Variants in FARS2 observed in about 807,000 individuals in gnomAD.
FARS2 encodes phenylalanyl-tRNA synthetase 2, mitochondrial, also known as phenylalanine--tRNA ligase, mitochondrial.
In FARS2, 40 loss-of-function variants were observed where a neutral mutation model predicts 46.4. The ratio of observed to expected loss-of-function variants is 0.86; its 90% CI spans 0.67 to 1.12. The LOEUF (loss-of-function observed/expected upper bound fraction) is 1.12. Among genes scored for constraint, FARS2 ranks in the 50% most tolerant of loss-of-function variants. The pLI is 0.00. For synonymous variants in FARS2, 234 were observed against 214.9 expected (o/e 1.09, Z -0.78); for missense variants, 513 against 567.9 (o/e 0.90, Z 0.98).
At chr6:5,636,857 G>A (rs766916495) in intron 6 of FARS2, among the ~76,000 whole-genome samples, 24 of 152,082 alleles carry the variant, frequency 1.6e-4, no homozygotes, top group Non-Finnish European at 3.5e-4. Context: ...CTCGATCATT[G>A]AGTTACTCTC....
At chr6:5,525,332 T>C (rs959312782) in intron 4 of FARS2, among the ~76,000 whole-genome samples, 1 of 152,144 alleles carries the variant, frequency 6.6e-6, no homozygotes, top group Admixed American at 6.6e-5. Flanking sequence ...AATCAGTAGC[T>C]GGCATTTTGT....
chr6:5,533,430 T>C (rs1769988096), intron 4 of FARS2, among the ~76,000 whole-genome samples: 1 of 152,204 alleles, frequency 6.6e-6, no homozygotes, highest in African/African-American at 2.4e-5. Context: ...ATTAAGTAAG[T>C]AAACTAAAAA....
chr6:5,555,297 A>T (rs909826403), intron 5 of FARS2, among the ~76,000 whole-genome samples: 1 of 152,142 alleles, frequency 6.6e-6, no homozygotes, highest in African/African-American at 2.4e-5. Context: ...AGTATCAGGT[A>T]TGTCTTCATC....
At chr6:5,684,243 C>A (rs1216598380) in intron 6 of FARS2, among the ~76,000 whole-genome samples, 2 of 152,128 alleles carry the variant, frequency 1.3e-5, no homozygotes, top group African/African-American at 4.8e-5. Flanking sequence ...AGAGGACCAT[C>A]CCCGATGTGC....
At chr6:5,744,366 C>T (rs757430810) in intron 6 of FARS2, among the ~76,000 whole-genome samples, 3 of 152,208 alleles carry the variant, frequency 2.0e-5, no homozygotes, top group Non-Finnish European at 2.9e-5. Context: ...CTGTTACCCA[C>T]GACCAACAGT....
At chr6:5,250,559 C>T in the FARS2 span, among the ~76,000 whole-genome samples, 1 of 152,124 alleles carries the variant, frequency 6.6e-6, no homozygotes, top group Non-Finnish European at 1.5e-5. Context: ...GCATATTTAA[C>T]AATAATGAAT....
At chr6:5,534,620 C>A (rs2150467354) in intron 4 of FARS2, among the ~76,000 whole-genome samples, 1 of 152,202 alleles carries the variant, frequency 6.6e-6, no homozygotes, top group East Asian at 1.9e-4. Flanking sequence ...AATAATATTC[C>A]ATTGTGTGTA....
chr6:5,539,119 C>T (rs536073517), intron 4 of FARS2, among the ~76,000 whole-genome samples: 25 of 152,094 alleles, frequency 1.6e-4, no homozygotes, highest in African/African-American at 5.5e-4. Context: ...CCTGGAGTCA[C>T]GCATATCCCC....
chr6:5,728,012 A>C lies in FARS2; in HGVS notation c.1218-43279A>C, dbSNP rs1106811. On this transcript the variant is annotated intron_variant, in intron 6 of 6. Coordinates refer to ENST00000274680, the MANE Select transcript of FARS2 (RefSeq NM_006567.5). ...CGTGGGCACTTAATGGATGCTAAAT[A>C]ATTGAAAGAATAAAGTGAGAGATGA... is the stretch of plus-strand genomic sequence containing the variant. Among the ~76,000 whole-genome samples the C allele has an allele frequency of 5.5e-3, 841 of 152,340 alleles. 5 individuals carry two copies. Among genetic ancestry groups the C allele is most frequent in the Non-Finnish European group, 9.2e-3 (628 of 68,040 alleles).
intron 6 of FARS2, among the ~76,000 whole-genome samples, chr6:5,637,619 C>T (rs112023793): frequency 4.2e-4 from 64 of 152,328 alleles, no homozygotes; most frequent in African/African-American, 1.5e-3. Flanking sequence ...AACTTGAAGA[C>T]TTATGTATGA....
intron 6 of FARS2, among the ~76,000 whole-genome samples, chr6:5,689,054 T>G (rs1227732718): frequency 6.6e-6 from 1 of 151,906 alleles, no homozygotes; most frequent in South Asian, 2.1e-4. Flanking sequence ...GATATCCCCT[T>G]TATCATTTTT....
At position 5,546,082 on chromosome 6, in the gene FARS2, C is replaced by T. The variant is rs983798257; in HGVS notation, c.1065+742C>T. 5.9e-4 allele frequency among the ~76,000 whole-genome samples: 89 copies of T among 152,010 alleles called. 1 individual carries two copies. The highest frequency in any genetic ancestry group is 2.1e-3 in the African/African-American group (87 of 41,450). On this transcript the variant is annotated intron_variant, in intron 5 of 6. Coordinates refer to ENST00000274680, the MANE Select transcript of FARS2 (RefSeq NM_006567.5). ...GGCAGAGGTTGCAGTCAGCTGAGATCGTGCCATTGCACTCCAGCCTGGGCA... is the reference window on the plus strand; with the variant it reads ...GGCAGAGGTTGCAGTCAGCTGAGATTGTGCCATTGCACTCCAGCCTGGGCA...
intron 4 of FARS2, among the ~76,000 whole-genome samples, chr6:5,444,296 G>A (rs1361729857): frequency 2.0e-5 from 3 of 151,774 alleles, no homozygotes; most frequent in Admixed American, 6.6e-5. Flanking sequence ...GTGAAGCCCC[G>A]TCTCTACTAA....
chr6:5,441,645 A>G (rs1763849716), intron 4 of FARS2, among the ~76,000 whole-genome samples: 1 of 152,186 alleles, frequency 6.6e-6, no homozygotes, highest in African/African-American at 2.4e-5. Context: ...TCATTCATCC[A>G]TTCTTTAATG....
At chr6:5,706,158 A>T (rs1256830163) in intron 6 of FARS2, among the ~76,000 whole-genome samples, 1 of 152,162 alleles carries the variant, frequency 6.6e-6, no homozygotes, top group African/African-American at 2.4e-5. Flanking sequence ...TCGCCTGCGC[A>T]GTTGACAATA....
chr6:5,418,851 G>T (rs912606743), intron 3 of FARS2, among the ~76,000 whole-genome samples: 1 of 151,490 alleles, frequency 6.6e-6, no homozygotes, highest in African/African-American at 2.4e-5. Flanking sequence ...GTTTTGAGTG[G>T]TGTGATTTTA....
chr6:5,383,102 C>T (rs1759893009), intron 2 of FARS2, among the ~76,000 whole-genome samples: 1 of 152,160 alleles, frequency 6.6e-6, no homozygotes, highest in Non-Finnish European at 1.5e-5. Context: ...CACCCTGTGA[C>T]CCCGTCAAGT....
chr6:5,483,362 C>T (rs566043649), intron 4 of FARS2, among the ~76,000 whole-genome samples: 1 of 152,252 alleles, frequency 6.6e-6, no homozygotes, highest in Admixed American at 6.5e-5. Context: ...TCAGTATTGA[C>T]TTTTTTTCAC....
At chr6:5,626,851 T>C (rs1776058253) in intron 6 of FARS2, among the ~76,000 whole-genome samples, 1 of 152,216 alleles carries the variant, frequency 6.6e-6, no homozygotes, top group African/African-American at 2.4e-5. Context: ...TGGAGTGTAC[T>C]TACACAAACC....
Sources: allele counts gnomAD v4.1 joint callset (sites outside exome capture counted in the v4.1 genomes callset), GRCh38; gene constraint gnomAD v4.1.1; transcripts MANE v1.5; gene names NCBI Gene and HGNC (gene_info 2026-07-23, HGNC 2026-07-21).